SUPT3H: variants seen among roughly 807,000 people sequenced by gnomAD.
SUPT3H encodes the protein transcription initiation protein SPT3 homolog.
In SUPT3H, 44 loss-of-function variants were observed where a neutral mutation model predicts 44.3. The ratio of observed to expected loss-of-function variants is 0.99; its 90% CI spans 0.78 to 1.28. The LOEUF is 1.28. SUPT3H is among the 50% of genes most tolerant of loss of function. The pLI, the probability that SUPT3H is intolerant of heterozygous loss-of-function variation, is 0.00. For synonymous variants in SUPT3H, 124 were observed against 125.6 expected (o/e 0.99, Z 0.09); for missense variants, 380 against 387.1 (o/e 0.98, Z 0.15).
At chr6:45,241,484 T>C (rs1233806907) in intron 2 of SUPT3H, among the ~76,000 whole-genome samples, 1 of 152,216 alleles carries the variant, frequency 6.6e-6, no homozygotes, top group East Asian at 1.9e-4. Flanking sequence ...CATCCCTTTT[T>C]TCCCGTAAGG....
At chr6:45,132,211 T>G (rs1803577369) in intron 2 of SUPT3H, among the ~76,000 whole-genome samples, 1 of 152,120 alleles carries the variant, frequency 6.6e-6, no homozygotes, top group African/African-American at 2.4e-5. Flanking sequence ...ATTCCAGAAT[T>G]CCTATAAAAT....
intron 2 of SUPT3H, among the ~76,000 whole-genome samples, chr6:45,317,547 G>A (rs1369750711): frequency 6.6e-6 from 1 of 152,126 alleles, no homozygotes; most frequent in African/African-American, 2.4e-5. Flanking sequence ...TACATTTACT[G>A]TCAACTGATT....
chr6:45,274,949 A>AT (rs537711151), intron 2 of SUPT3H, among the ~76,000 whole-genome samples: 3 of 151,914 alleles, frequency 2.0e-5, no homozygotes, highest in African/African-American at 2.4e-5. Flanking sequence ...TGATGCTTTG[A>AT]TTTTTTTCTT....
intron 2 of SUPT3H, among the ~76,000 whole-genome samples, chr6:45,254,284 T>C (rs747334325): frequency 4.5e-4 from 68 of 152,158 alleles, no homozygotes; most frequent in Non-Finnish European, 9.4e-4. Context: ...CAGCAGAAAT[T>C]AGTAAACTTT....
chr6:45,340,588 T>G (rs542585751), intron 2 of SUPT3H, among the ~76,000 whole-genome samples: 9 of 152,018 alleles, frequency 5.9e-5, no homozygotes, highest in Non-Finnish European at 1.2e-4. Flanking sequence ...TCTCCCAAAG[T>G]GCTGAGATTA....
chr6:45,364,754 T>A (rs1278042756), intron 2 of SUPT3H, among the ~76,000 whole-genome samples: 1 of 152,160 alleles, frequency 6.6e-6, no homozygotes, highest in Admixed American at 6.5e-5. Flanking sequence ...TCAAATATTA[T>A]CAGAACTAAA....
chr6:44,973,534 C>T (rs35908738), intron 6 of SUPT3H, among the ~76,000 whole-genome samples: 18,310 of 152,134 alleles, frequency 0.12, 1,439 homozygotes, highest in East Asian at 0.27. Flanking sequence ...CCATATTTTC[C>T]TGTCTTCTTC....
At chr6:44,942,713 G>A (rs1582651282) in intron 9 of SUPT3H, among the ~76,000 whole-genome samples, 2 of 152,080 alleles carry the variant, frequency 1.3e-5, no homozygotes. Context: ...AACAAGTGCC[G>A]TCACGTATGG....
intron 3 of SUPT3H, among the ~76,000 whole-genome samples, chr6:45,051,102 G>A (rs115679339): frequency 0.011 from 1,734 of 152,108 alleles, 37 homozygotes; most frequent in African/African-American, 0.039. Flanking sequence ...GTCAGGATAG[G>A]ATGGTCTCGA....
intron 7 of SUPT3H, among the ~76,000 whole-genome samples, chr6:44,959,481 A>G (rs1775696229): frequency 6.6e-6 from 1 of 152,130 alleles, no homozygotes; most frequent in Non-Finnish European, 1.5e-5. Context: ...AGATAAAACC[A>G]AATATAAAAT....
In SUPT3H at chr6:44,953,339, T is replaced by G; in HGVS notation, c.772A>C (p.Thr258Pro). The change falls in exon 9 of 11, where the codon ACC becomes CCC. Residue 258 changes from threonine (T) to proline (P), a missense_variant. Coordinates refer to ENST00000371459, the MANE Select transcript of SUPT3H (RefSeq NM_003599.4). ...GCAGAGTTGTGATACTGAATGAAGG[T>G]TGCAGAAATGGCATGGCTGAAGGGG... ...GDPFSHAISA[T>P]FIQYHNSAES... 4 of 1,614,138 alleles carry G rather than the reference T, an allele frequency of 2.5e-6. No homozygotes were observed. Among genetic ancestry groups the G allele is most frequent in the South Asian group, 1.1e-5 (1 of 91,084 alleles).
chr6:44,968,893 T>C (rs959603507), intron 6 of SUPT3H, among the ~76,000 whole-genome samples: 5 of 152,136 alleles, frequency 3.3e-5, no homozygotes, highest in African/African-American at 7.2e-5. Flanking sequence ...CAGCACACAT[T>C]GTTCTCACTA....
chr6:44,832,084 T>A (rs182109461), intron 10 of SUPT3H, among the ~76,000 whole-genome samples: 86 of 152,130 alleles, frequency 5.7e-4, no homozygotes, highest in African/African-American at 1.9e-3. Flanking sequence ...CTATTTTGAG[T>A]CACTGCTTTT....
chr6:45,024,537 A>G (rs556515771), intron 3 of SUPT3H, among the ~76,000 whole-genome samples: 1 of 152,226 alleles, frequency 6.6e-6, no homozygotes, highest in East Asian at 1.9e-4. Flanking sequence ...AATGATTCAC[A>G]TATTTTCCCT....
At chr6:44,877,134 C>G (rs1318186087) in intron 10 of SUPT3H, among the ~76,000 whole-genome samples, 7 of 152,154 alleles carry the variant, frequency 4.6e-5, no homozygotes, top group African/African-American at 1.7e-4. Flanking sequence ...CCAAGCCATT[C>G]AACATTTTAC....
At position 45,072,973 on chromosome 6, in the gene SUPT3H, C is replaced by T. The variant is rs539947964; in HGVS notation, c.186+32949G>A. On this transcript the variant is annotated intron_variant, in intron 3 of 10. Transcript: ENST00000371459. The stretch of plus-strand genomic sequence containing the variant: ...CTTAGAAGCCACGAAACAATAGTAT[C>T]ATTTATTGTTCTGTCATTTCTAAGA... Among the ~76,000 whole-genome samples, 5 of 152,114 alleles carry T rather than the reference C, an allele frequency of 3.3e-5. No individual in the cohort carries two copies. In the South Asian group the frequency reaches 1.0e-3, roughly 32 times the overall value.
chr6:44,816,465 A>AAT (rs1354362567), intron 11 of SUPT3H, among the ~76,000 whole-genome samples: 17 of 152,204 alleles, frequency 1.1e-4, no homozygotes, highest in Non-Finnish European at 2.9e-5. Context: ...CTATCTAAGA[A>AAT]ATAGCCTTAT....
intron 2 of SUPT3H, among the ~76,000 whole-genome samples, chr6:45,290,602 C>G (rs1179944232): frequency 1.3e-5 from 2 of 152,126 alleles, no homozygotes; most frequent in Non-Finnish European, 2.9e-5. Flanking sequence ...CTTATGATCT[C>G]TCTTTTAAAA....
intron 6 of SUPT3H, among the ~76,000 whole-genome samples, chr6:44,971,591 T>G (rs1442177647): frequency 1.3e-5 from 2 of 152,146 alleles, no homozygotes; most frequent in Non-Finnish European, 2.9e-5. Context: ...CCCCCATGAT[T>G]CAATGACCTC....
Sources: allele counts gnomAD v4.1 joint callset (sites outside exome capture counted in the v4.1 genomes callset), GRCh38; gene constraint gnomAD v4.1.1; transcripts MANE v1.5; gene names NCBI Gene and HGNC (gene_info 2026-07-23, HGNC 2026-07-21).